COL23A1: variants seen among roughly 807,000 people sequenced by gnomAD.
COL23A1 encodes the protein collagen alpha-1(XXIII) chain.
In COL23A1, 97 loss-of-function variants were observed where a neutral mutation model predicts 99.3. The observed-to-expected ratio is 0.98, with a 90% CI of 0.83 to 1.16. The LOEUF (loss-of-function observed/expected upper bound fraction) is 1.16. COL23A1 is among the 50% of genes most tolerant of loss of function. The pLI is 0.00. For missense variants in COL23A1, 762 were observed against 757.4 expected (o/e 1.01, Z -0.07); for synonymous variants, 320 against 308.2 (o/e 1.04, Z -0.40).
intron 2 of COL23A1, among the ~76,000 whole-genome samples, chr5:178,495,009 G>C (rs908126250): frequency 2.4e-4 from 36 of 152,242 alleles, no homozygotes; most frequent in Non-Finnish European, 7.3e-5. Context: ...CCCATAGTCA[G>C]ATGTGGGTCT....
chr5:178,542,039 T>C (rs1015786255), intron 2 of COL23A1, among the ~76,000 whole-genome samples: 12 of 152,152 alleles, frequency 7.9e-5, no homozygotes, highest in African/African-American at 2.7e-4. Flanking sequence ...TATTGTTGTT[T>C]TGAGATGGAG....
intron 27 of COL23A1, among the ~76,000 whole-genome samples, chr5:178,240,713 A>G (rs745803915): frequency 6.6e-5 from 10 of 152,146 alleles, no homozygotes; most frequent in Non-Finnish European, 1.2e-4. Flanking sequence ...GGGGAGCGGT[A>G]TCCCCCACTG....
chr5:178,360,756 G>A (rs1762133395), intron 2 of COL23A1, among the ~76,000 whole-genome samples: 1 of 152,216 alleles, frequency 6.6e-6, no homozygotes. Flanking sequence ...ATCCCACACG[G>A]AGCAGGTGCA....
intron 1 of COL23A1, among the ~76,000 whole-genome samples, chr5:178,572,016 C>A (rs1471188801): frequency 6.9e-6 from 1 of 143,932 alleles, no homozygotes; most frequent in African/African-American, 2.7e-5. Context: ...TGCAATGAGC[C>A]GAGATTGCGC....
intron 2 of COL23A1, among the ~76,000 whole-genome samples, chr5:178,462,868 A>G (rs1357477707): frequency 6.6e-6 from 1 of 152,224 alleles, no homozygotes; most frequent in East Asian, 1.9e-4. Flanking sequence ...CCAAAATGGA[A>G]ACTGGTGTGA....
At chr5:178,537,152 C>A (rs1761012333) in intron 2 of COL23A1, among the ~76,000 whole-genome samples, 1 of 152,184 alleles carries the variant, frequency 6.6e-6, no homozygotes, top group Non-Finnish European at 1.5e-5. Context: ...GTCCCACATA[C>A]AGGCCGGGGG....
rs1290424100 is a variant in COL23A1 at position 178,518,651 on chromosome 5, C to T, written c.361+42031G>A. Among the ~76,000 whole-genome samples the T allele has an allele frequency of 2.4e-3, 278 of 116,856 alleles. 1 individual carries two copies. Among genetic ancestry groups the T allele is most frequent in the African/African-American group, 9.0e-3 (228 of 25,208 alleles). 76.7% of individuals were successfully genotyped at this position (116,856 alleles called of 152,430 possible). On this transcript the variant is annotated intron_variant, in intron 2 of 28. Transcript: ENST00000390654. ...GCCGGGCAGAGACGCTCCTCACTTC[C>T]TAGATGGGATGGCGGCCGGGCGGAG... is the stretch of plus-strand genomic sequence containing the variant.
At chr5:178,304,718 G>A (rs962379425) in intron 3 of COL23A1, among the ~76,000 whole-genome samples, 13 of 152,140 alleles carry the variant, frequency 8.5e-5, no homozygotes, top group Non-Finnish European at 1.9e-4. Flanking sequence ...AGACAATCGG[G>A]ACACCACACT....
intron 16 of COL23A1, 60 bp downstream of exon 16, chr5:178,254,889 G>T: frequency 2.1e-6 from 3 of 1,433,294 alleles, no homozygotes; most frequent in East Asian, 2.3e-5. Context: ...CAAAGGGAGT[G>T]ATTATTCCCT....
chr5:178,275,578 A>G (rs534517146), intron 5 of COL23A1, among the ~76,000 whole-genome samples: 3 of 152,274 alleles, frequency 2.0e-5, no homozygotes, highest in East Asian at 3.9e-4. Flanking sequence ...CATCATCATG[A>G]GGTCAGCGTG....
intron 19 of COL23A1, among the ~76,000 whole-genome samples, chr5:178,248,862 G>A (rs1043708250): frequency 2.0e-5 from 3 of 152,190 alleles, no homozygotes; most frequent in South Asian, 2.1e-4. Context: ...TGGCCAACGC[G>A]CTCCCATGGC....
chr5:178,330,085 C>T (rs781334002), intron 2 of COL23A1, among the ~76,000 whole-genome samples: 7 of 152,178 alleles, frequency 4.6e-5, no homozygotes, highest in African/African-American at 7.2e-5. Context: ...CTGGAAGGTC[C>T]CAGGAGGGAG....
chr5:178,322,423 G>A lies in COL23A1; in HGVS notation c.362-15504C>T, dbSNP rs963640377. Among the ~76,000 whole-genome samples the A allele has an allele frequency of 2.0e-5, 3 of 152,196 alleles. No homozygotes were observed. In the East Asian group the frequency reaches 5.8e-4, roughly 29 times the overall value. ...GTGTTGGTGGCATGAGCCGCTGCAT[G>A]TGGCCTCAAAAGATCATTTTCATCT... is the stretch of plus-strand genomic sequence containing the variant. On this transcript the variant is annotated intron_variant, in intron 2 of 28. Coordinates refer to ENST00000390654, the MANE Select transcript of COL23A1 (RefSeq NM_173465.4).
chr5:178,346,855 C>T (rs1195462104), intron 2 of COL23A1, among the ~76,000 whole-genome samples: 1 of 152,250 alleles, frequency 6.6e-6, no homozygotes, highest in East Asian at 1.9e-4. Context: ...AGACACCAGC[C>T]TCACACTGGG....
At chr5:178,583,147 A>C (rs896120797) in intron 1 of COL23A1, among the ~76,000 whole-genome samples, 19 of 152,248 alleles carry the variant, frequency 1.2e-4, no homozygotes, top group Non-Finnish European at 1.6e-4. Flanking sequence ...ACATTTTGTA[A>C]GCACAGTATA....
chr5:178,333,789 T>C (rs1581170866), intron 2 of COL23A1, among the ~76,000 whole-genome samples: 1 of 152,128 alleles, frequency 6.6e-6, no homozygotes, highest in African/African-American at 2.4e-5. Context: ...AGAGCATCCA[T>C]CCTGGTAGAA....
chr5:178,290,505 G>T, intron 3 of COL23A1, 136 bp from the exon 4 acceptor site: 2 of 1,134,424 alleles, frequency 1.8e-6, no homozygotes, highest in Non-Finnish European at 2.7e-6. Flanking sequence ...TGCTGCCATG[G>T]CTGTTTCCTG....
chr5:178,400,311 G>T (rs1486558650), intron 2 of COL23A1, among the ~76,000 whole-genome samples: 6 of 143,750 alleles, frequency 4.2e-5, no homozygotes, highest in Non-Finnish European at 8.9e-5. Flanking sequence ...AGCTTGCAGT[G>T]AGCCGAGATC....
At chr5:178,423,538 G>A (rs1307868414) in intron 2 of COL23A1, among the ~76,000 whole-genome samples, 3 of 152,180 alleles carry the variant, frequency 2.0e-5, no homozygotes, top group South Asian at 2.1e-4. Context: ...CGCGATGCTC[G>A]ATAGGTTAGG....
Sources: allele counts gnomAD v4.1 joint callset (sites outside exome capture counted in the v4.1 genomes callset), GRCh38; gene constraint gnomAD v4.1.1; transcripts MANE v1.5; gene names NCBI Gene and HGNC (gene_info 2026-07-23, HGNC 2026-07-21).